BCL2L13: variants seen among roughly 807,000 people sequenced by gnomAD.
BCL2L13 encodes the protein BCL2 like 13, also known as bcl-2-like protein 13.
A neutral mutation model predicts 25.8 loss-of-function variants in BCL2L13; 13 were observed. That is an observed-to-expected ratio of 0.50 (90% CI 0.33 to 0.80). BCL2L13 has a LOEUF of 0.80. Among genes scored for constraint, BCL2L13 ranks in the 30% least tolerant of loss-of-function variants. BCL2L13 has a pLI of 0.02. For missense variants in BCL2L13, 504 were observed against 574.9 expected (o/e 0.88, Z 1.26); for synonymous variants, 244 against 230.3 (o/e 1.06, Z -0.54).
chr22:17,667,031 T>G (rs1237933289), intron 2 of BCL2L13, among the ~76,000 whole-genome samples: 1 of 152,152 alleles, frequency 6.6e-6, no homozygotes, highest in Non-Finnish European at 1.5e-5. Context: ...CTTTATCCAT[T>G]CATCTGTTCA....
intron 2 of BCL2L13, among the ~76,000 whole-genome samples, chr22:17,667,012 C>T (rs2059253653): frequency 6.6e-6 from 1 of 151,978 alleles, no homozygotes; most frequent in Non-Finnish European, 1.5e-5. Context: ...TCTATATGTA[C>T]CACATTTTCT....
upstream of BCL2L13, among the ~76,000 whole-genome samples, chr22:17,637,679 G>T (rs1215319865): frequency 6.6e-6 from 1 of 152,004 alleles, no homozygotes; most frequent in Non-Finnish European, 1.5e-5. Flanking sequence ...CACCCGGCCT[G>T]TACTATTAGT....
chr22:17,719,153 C>CAAAAAAAAAAAA (rs59630355), intron 6 of BCL2L13, among the ~76,000 whole-genome samples: 2 of 45,496 alleles, frequency 4.4e-5, no homozygotes, highest in African/African-American at 1.7e-4. Context: ...GGCTCTGTCT[C>CAAAAAAAAAAAA]AAAAAAAAAA....
intron 2 of BCL2L13, among the ~76,000 whole-genome samples, chr22:17,682,589 G>A (rs2059788149): frequency 6.6e-6 from 1 of 152,084 alleles, no homozygotes; most frequent in Non-Finnish European, 1.5e-5. Flanking sequence ...AGAGAGGACT[G>A]GCCCGACTTA....
At chr22:17,712,025 T>G (rs923264126) in intron 6 of BCL2L13, among the ~76,000 whole-genome samples, 2 of 132,744 alleles carry the variant, frequency 1.5e-5, no homozygotes, top group Non-Finnish European at 3.1e-5. Flanking sequence ...TTTTTGAAGG[T>G]TTTTTTTTTT....
intron 1 of BCL2L13, among the ~76,000 whole-genome samples, chr22:17,655,425 C>CTT (rs370375070): frequency 2.2e-5 from 3 of 135,974 alleles, no homozygotes; most frequent in Non-Finnish European, 3.2e-5. Context: ...ATGTGCAGTA[C>CTT]TTTTTTTTTT....
chr22:17,638,650 G>A, upstream of BCL2L13: 5 of 1,229,480 alleles, frequency 4.1e-6, no homozygotes, highest in Non-Finnish European at 5.1e-6. Context: ...AGAGACCTCC[G>A]GGGCCTCCGT....
At position 17,649,871 on chromosome 22, in the gene BCL2L13, C is replaced by CT. The variant is rs71201855; in HGVS notation, c.-50-5773dup. On this transcript the variant is annotated intron_variant, in intron 1 of 6. Transcript: ENST00000317582. Reference sequence around the variant, plus strand: ...TATTCTCCCCTCTTTTTTTTCTTTTCTTTTTTTTTTTTTTTTTTGAGATGG... The same window carrying CT: ...TATTCTCCCCTCTTTTTTTTCTTTTCTTTTTTTTTTTTTTTTTTTGAGATGG... 6.3e-3 allele frequency among the ~76,000 whole-genome samples: 594 copies of CT among 94,354 alleles called. 9 individuals are homozygous for CT. The highest frequency in any genetic ancestry group is 0.017 in the African/African-American group (426 of 25,316). The allele number at this position is 94,354 out of a possible 152,430, so 61.9% of individuals were successfully genotyped here.
chr22:17,691,218 T>C (rs911640768), intron 4 of BCL2L13, among the ~76,000 whole-genome samples: 8 of 152,152 alleles, frequency 5.3e-5, no homozygotes, highest in Non-Finnish European at 1.0e-4. Context: ...TACTTTCATA[T>C]ATTTTATATT....
intron 2 of BCL2L13, among the ~76,000 whole-genome samples, chr22:17,656,362 TTTTTTTG>T (rs2058863267): frequency 1.2e-5 from 1 of 81,890 alleles, no homozygotes; most frequent in African/African-American, 4.0e-5. Flanking sequence ...TTTTTTTTTT[TTTTTTTG>T]GGACAGAGTC....
At chr22:17,664,706 C>T (rs548413271) in intron 2 of BCL2L13, among the ~76,000 whole-genome samples, 2 of 152,336 alleles carry the variant, frequency 1.3e-5, no homozygotes, top group Admixed American at 6.5e-5. Context: ...GGCAGAGGTT[C>T]CCAAACCTCG....
At chr22:17,718,340 A>G (rs1350791374) in intron 6 of BCL2L13, among the ~76,000 whole-genome samples, 2 of 152,172 alleles carry the variant, frequency 1.3e-5, no homozygotes, top group Non-Finnish European at 2.9e-5. Context: ...TGCTAGCCAA[A>G]ATATTAGGTA....
chr22:17,685,760 C>CTTTTTCTTTTTTT (rs1284074134), intron 3 of BCL2L13, among the ~76,000 whole-genome samples: 47 of 60,566 alleles, frequency 7.8e-4, no homozygotes, highest in African/African-American at 1.1e-3. Flanking sequence ...TTTTCTTTTT[C>CTTTTTCTTTTTTT]TTTTTTTTTT....
chr22:17,653,431 T>C (rs989729353), intron 1 of BCL2L13, among the ~76,000 whole-genome samples: 2 of 152,024 alleles, frequency 1.3e-5, no homozygotes, highest in African/African-American at 4.8e-5. Flanking sequence ...GGTTTTTCCA[T>C]ATTCTCGTAA....
intron 5 of BCL2L13, among the ~76,000 whole-genome samples, chr22:17,696,550 C>T (rs368192646): frequency 2.6e-5 from 4 of 152,246 alleles, no homozygotes; most frequent in African/African-American, 9.6e-5. Context: ...ACAGACTTTA[C>T]TTGGGAGGTA....
intron 4 of BCL2L13, 150 bp downstream of exon 4, chr22:17,689,292 C>T: frequency 1.5e-6 from 1 of 687,756 alleles, no homozygotes; most frequent in East Asian, 3.1e-5. Context: ...TTTCCCAAAG[C>T]ATCTCTGTGT....
intron 5 of BCL2L13, among the ~76,000 whole-genome samples, chr22:17,701,456 T>C (rs1023187946): frequency 1.3e-5 from 2 of 152,244 alleles, no homozygotes; most frequent in East Asian, 3.8e-4. Context: ...TATGTGTATA[T>C]GTTTTTATTA....
At chr22:17,650,836 T>G (rs1206938842) in intron 1 of BCL2L13, among the ~76,000 whole-genome samples, 1 of 151,992 alleles carries the variant, frequency 6.6e-6, no homozygotes, top group East Asian at 1.9e-4. Flanking sequence ...GCCTCCCAAG[T>G]AACTGGGACT....
At chr22:17,677,645 A>G (rs2059612338) in intron 2 of BCL2L13, among the ~76,000 whole-genome samples, 2 of 152,122 alleles carry the variant, frequency 1.3e-5, no homozygotes, top group African/African-American at 4.8e-5. Flanking sequence ...AGTCTGAGGC[A>G]GGTGGATCAT....
Sources: gnomAD v4.1 joint callset for allele counts (sites outside exome capture counted in the v4.1 genomes callset) on GRCh38, gnomAD v4.1.1 for gene constraint, MANE v1.5 for transcripts, NCBI Gene and HGNC (gene_info 2026-07-23, HGNC 2026-07-21) for gene names.